Variants in EMC4 observed in about 807,000 individuals in gnomAD.
The protein encoded by EMC4 is cell proliferation-inducing gene 17 protein.
In EMC4, 9 loss-of-function variants were observed where a neutral mutation model predicts 24.2. The observed-to-expected ratio is 0.37, with a 90% CI of 0.22 to 0.65. The LOEUF (loss-of-function observed/expected upper bound fraction) is 0.65, where lower values mean the gene tolerates loss of function less well. EMC4 is among the 30% of genes least tolerant of loss of function. The probability of loss-of-function intolerance (pLI) is 0.59; values close to 1 mark genes in which losing one functional copy is unlikely to be tolerated. For missense variants in EMC4, 169 were observed against 234.6 expected (o/e 0.72, Z 1.83); for synonymous variants, 86 against 81.1 (o/e 1.06, Z -0.32).
chr15:34,227,922 T>G, intron 3 of EMC4, 76 bp downstream of exon 3: 2 of 1,507,484 alleles, frequency 1.3e-6, no homozygotes, highest in Non-Finnish European at 1.8e-6. Flanking sequence ...GGCTCACGCC[T>G]GTAATCCCAG....
rs569412535 is a variant in EMC4, at chr15:34,229,726, C to CTAT, written c.517-25_517-23dup. ...ATTTTAACACTCATTTGCCACTCAC[C>CTAT]TATTTATTCTTTCTTTCTTCTTTCA... On this transcript the variant is annotated intron_variant, in intron 4 of 4. Coordinates refer to ENST00000267750, the MANE Select transcript of EMC4 (RefSeq NM_016454.4). The CTAT allele has an allele frequency of 3.8e-3, 4,742 of 1,259,658 alleles. 29 individuals are homozygous for CTAT. Among genetic ancestry groups the CTAT allele is most frequent in the South Asian group, 6.3e-3 (495 of 78,972 alleles). The allele number at this position is 1,259,658 out of a possible 1,614,324, so 78.0% of individuals were successfully genotyped here.
rs1890730850 is a variant in EMC4 at position 34,228,696 on chromosome 15, T to G, written c.516+107T>G. Reference sequence around the variant, plus strand: ...TTGGTATTTGAGTTTCTTTTTTTTTTTTTTTTTTTTTTTGAGACGGAGTAT... The same window carrying G: ...TTGGTATTTGAGTTTCTTTTTTTTTGTTTTTTTTTTTTTGAGACGGAGTAT... On this transcript the variant is annotated intron_variant, in intron 4 of 4. Transcript: ENST00000267750. The G allele has an allele frequency of 2.9e-6, 3 of 1,049,058 alleles. No homozygotes were observed. In the East Asian group the frequency reaches 7.5e-5, roughly 26 times the overall value. 65.0% of individuals were successfully genotyped at this position (1,049,058 alleles called of 1,614,324 possible). A position where few individuals can be genotyped will look rare whatever the true frequency, so the allele number is the denominator to read the frequency against.
intron 3 of EMC4, 92 bp from the exon 4 acceptor site, chr15:34,228,336 TG>T: frequency 7.5e-7 from 1 of 1,336,390 alleles, no homozygotes; most frequent in Non-Finnish European, 1.0e-6. Flanking sequence ...TGTCTTACTA[TG>T]GGTCTGTCTA....
intron 2 of EMC4, chr15:34,226,083 G>A (rs1316832195): frequency 9.1e-6 from 3 of 329,570 alleles, no homozygotes; most frequent in African/African-American, 4.3e-5. Flanking sequence ...GTACAGACAG[G>A]GTATCACCAT....
At chr15:34,225,980 A>G in intron 2 of EMC4, 1 of 369,368 alleles carries the variant, frequency 2.7e-6, no homozygotes. Context: ...GGCTTTACCT[A>G]CTACTTTTTC....
rs71702457 is a variant in EMC4 at position 34,229,908 on chromosome 15, CTCTT to C, written c.*122_*125del. On this transcript the variant is annotated 3_prime_UTR_variant, in exon 5 of 5. Transcript: ENST00000267750. ...ACTTATGTTAAAAAGAACCAAAAGA[CTCTT>C]TTCTCCATGGTGGGGTGACAGGTCC... The C allele has an allele frequency of 1.1e-5, 8 of 719,496 alleles. No individual in the cohort carries two copies. The highest frequency in any genetic ancestry group is 1.3e-5 in the Non-Finnish European group (6 of 458,240). The allele number at this position is 719,496 out of a possible 1,614,324, so 44.6% of individuals were successfully genotyped here.
Position 34,225,606 on chromosome 15 carries a change from C to A in EMC4, c.157C>A (p.Pro53Thr). The change falls in exon 2 of 5, where the codon CCT becomes ACT. Residue 53 changes from proline to threonine, a missense_variant. Pro to Thr is a conservative substitution (Grantham distance 38, BLOSUM62 -1). Coordinates refer to ENST00000267750, the MANE Select transcript of EMC4 (RefSeq NM_016454.4). ...AGTCGGTTACTTGGACAAGCAAGTG[C>A]CTGATACCAGCGTGCAAGAGACAGA... ...YPVGYLDKQV[P>T]DTSVQETDRI... The A allele has an allele frequency of 1.2e-6, 2 of 1,614,050 alleles. No homozygotes were observed. Among genetic ancestry groups the A allele is most frequent in the Non-Finnish European group, 1.7e-6 (2 of 1,179,994 alleles).
intron 3 of EMC4, 81 bp downstream of exon 3, chr15:34,227,927 T>A (rs948112306): frequency 6.7e-7 from 1 of 1,484,578 alleles, no homozygotes; most frequent in Non-Finnish European, 9.3e-7. Context: ...ACGCCTGTAA[T>A]CCCAGCACTT....
In EMC4 at chr15:34,229,960, C is replaced by T. The variant is rs779176777; in HGVS notation, c.*172C>T. The T allele has an allele frequency of 5.1e-5, 34 of 660,716 alleles. No homozygotes were observed. The highest frequency in any genetic ancestry group is 4.6e-4 in the African/African-American group (25 of 54,196). 40.9% of individuals were successfully genotyped at this position (660,716 alleles called of 1,614,324 possible). A position where few individuals can be genotyped will look rare whatever the true frequency, so the allele number is the denominator to read the frequency against. On this transcript the variant is annotated 3_prime_UTR_variant, in exon 5 of 5. Transcript: ENST00000267750. ...TCCTAGAAGGACAATGTGCATATTA[C>T]GACAAACACAAAGAAACTATACCAT...
intron 2 of EMC4, 165 bp downstream of exon 2, chr15:34,225,815 G>A: frequency 2.9e-6 from 2 of 687,894 alleles, no homozygotes; most frequent in Non-Finnish European, 5.3e-6. Context: ...CTACAAAAGT[G>A]CTTAATAATT....
In EMC4 at chr15:34,229,921, G is replaced by C; in HGVS notation, c.*133G>C. On this transcript the variant is annotated 3_prime_UTR_variant, in exon 5 of 5. Transcript: ENST00000267750. ...AGAACCAAAAGACTCTTTTCTCCAT[G>C]GTGGGGTGACAGGTCCTAGAAGGAC... The C allele has an allele frequency of 1.2e-6, 1 of 834,182 alleles. No individual in the cohort carries two copies. The highest frequency in any genetic ancestry group is 2.0e-6 in the Non-Finnish European group (1 of 494,830). The allele number at this position is 834,182 out of a possible 1,614,324, so 51.7% of individuals were successfully genotyped here. A position where few individuals can be genotyped will look rare whatever the true frequency, so the allele number is the denominator to read the frequency against.
Position 34,225,114 on chromosome 15 carries a change from C to T in EMC4, c.-1C>T. On this transcript the variant is annotated 5_prime_UTR_variant, in exon 1 of 5. Transcript: ENST00000267750. ...CGAGGCTATAGGACGCAGCTGTTGC[C>T]ATGACGGCCCAGGGGGGCCTGGTGG... 1.9e-6 allele frequency: 3 copies of T among 1,551,638 alleles called. No individual in the cohort carries two copies. Among genetic ancestry groups the T allele is most frequent in the Non-Finnish European group, 2.6e-6 (3 of 1,146,914 alleles).
Position 34,229,903 on chromosome 15 carries a change from A to G in EMC4, c.*115A>G. 1 of 994,524 alleles carries G rather than the reference A, an allele frequency of 1.0e-6. No individual in the cohort carries two copies. Among genetic ancestry groups the G allele is most frequent in the Non-Finnish European group, 1.6e-6 (1 of 630,370 alleles). The allele number at this position is 994,524 out of a possible 1,614,324, so 61.6% of individuals were successfully genotyped here. A position where few individuals can be genotyped will look rare whatever the true frequency, so the allele number is the denominator to read the frequency against. ...TAATCACTTATGTTAAAAAGAACCA[A>G]AAGACTCTTTTCTCCATGGTGGGGT... is the stretch of plus-strand genomic sequence containing the variant. On this transcript the variant is annotated 3_prime_UTR_variant, in exon 5 of 5. Transcript: ENST00000267750.
In EMC4 at chr15:34,227,678, T is replaced by G. The variant is rs768384828; in HGVS notation, c.202-15T>G. On this transcript the variant is annotated splice_polypyrimidine_tract_variant and intron_variant, in intron 2 of 4. Coordinates refer to ENST00000267750, the MANE Select transcript of EMC4 (RefSeq NM_016454.4). ...GGTAGTGATCAGAGGGTTAAAATTGTGTGTTTTGTTTTAGCGCTGCTGGGA... is the reference window on the plus strand; with the variant it reads ...GGTAGTGATCAGAGGGTTAAAATTGGGTGTTTTGTTTTAGCGCTGCTGGGA... The G allele has an allele frequency of 6.2e-7, 1 of 1,610,886 alleles. No individual in the cohort carries two copies. Among genetic ancestry groups the G allele is most frequent in the South Asian group, 1.1e-5 (1 of 91,008 alleles).
chr15:34,228,180 C>T, intron 3 of EMC4: 1 of 494,702 alleles, frequency 2.0e-6, no homozygotes, highest in Non-Finnish European at 3.6e-6. Flanking sequence ...GAGACTCCAT[C>T]TCAAAAAAAA....
intron 3 of EMC4, 70 bp from the exon 4 acceptor site, chr15:34,228,359 T>C: frequency 2.6e-6 from 4 of 1,510,574 alleles, no homozygotes; most frequent in Non-Finnish European, 3.6e-6. Context: ...ATGAATTTAA[T>C]ATACAGTTGG....
At position 34,227,679 on chromosome 15, in the gene EMC4, G is replaced by A; in HGVS notation, c.202-14G>A. The A allele has an allele frequency of 6.2e-7, 1 of 1,611,174 alleles. No individual in the cohort carries two copies. The highest frequency in any genetic ancestry group is 1.1e-5 in the South Asian group (1 of 90,996). On this transcript the variant is annotated splice_polypyrimidine_tract_variant and intron_variant, in intron 2 of 4. Transcript: ENST00000267750. The stretch of plus-strand genomic sequence containing the variant: ...GTAGTGATCAGAGGGTTAAAATTGT[G>A]TGTTTTGTTTTAGCGCTGCTGGGAC...
chr15:34,228,205 T>C, intron 3 of EMC4: 1 of 544,150 alleles, frequency 1.8e-6, no homozygotes, highest in Non-Finnish European at 3.3e-6. Flanking sequence ...GAATTAAAGG[T>C]AAATTCTTAG....
In EMC4 at chr15:34,225,049, G is replaced by T; in HGVS notation, c.-66G>T. ...AGAGTGAGACAAAGCGGAGAACGCT[G>T]GTGGGCCTGTTGTGGAGTACGCTTT... On this transcript the variant is annotated 5_prime_UTR_variant, in exon 1 of 5. Coordinates refer to ENST00000267750, the MANE Select transcript of EMC4 (RefSeq NM_016454.4). 7.6e-7 allele frequency: 1 copy of T among 1,307,524 alleles called. No homozygotes were observed. The allele number at this position is 1,307,524 out of a possible 1,614,324, so 81.0% of individuals were successfully genotyped here.
Sources: allele counts gnomAD v4.1 joint callset, GRCh38; gene constraint gnomAD v4.1.1; transcripts MANE v1.5; gene names NCBI Gene and HGNC (gene_info 2026-07-23, HGNC 2026-07-21).